Variants in GRIA1 observed in about 807,000 individuals in gnomAD.
GRIA1 encodes the protein glutamate ionotropic receptor AMPA type subunit 1.
Under a neutral mutation model 99.2 loss-of-function variants are expected in GRIA1, and 31 were observed. The ratio of observed to expected loss-of-function variants is 0.31; its 90% CI spans 0.23 to 0.42. The LOEUF is 0.42. Ranked by LOEUF, GRIA1 falls within the 10% of genes least tolerant of loss-of-function variation. The pLI is 1.00. For synonymous variants in GRIA1, 438 were observed against 432.4 expected (o/e 1.01, Z -0.16); for missense variants, 782 against 1,157.5 (o/e 0.68, Z 4.71).
At chr5:153,500,127 A>G (rs1264686166) in intron 2 of GRIA1, among the ~76,000 whole-genome samples, 1 of 152,238 alleles carries the variant, frequency 6.6e-6, no homozygotes, top group African/African-American at 2.4e-5. Context: ...ATCAGCTTTT[A>G]TGGATAGAAA....
chr5:153,696,484 G>A (rs1004073104), intron 8 of GRIA1, among the ~76,000 whole-genome samples: 2 of 152,164 alleles, frequency 1.3e-5, no homozygotes, highest in African/African-American at 4.8e-5. Flanking sequence ...CAGACGAAAT[G>A]GCATGAAAAC....
intron 7 of GRIA1, among the ~76,000 whole-genome samples, chr5:153,682,737 CT>C: frequency 6.6e-6 from 1 of 152,204 alleles, no homozygotes; most frequent in African/African-American, 2.4e-5. Flanking sequence ...AGCCCAATCT[CT>C]CTCCACCTCT....
chr5:153,812,386 G>A lies in GRIA1; in HGVS notation c.*1161G>A, dbSNP rs891885935. On this transcript the variant is annotated 3_prime_UTR_variant, in exon 16 of 16. Transcript: ENST00000285900. ...CTTCCCATGGTGTGCCCTATCCTAG[G>A]TTTAAGAAAACACGTATGAAGTTTA... 1 of 152,170 alleles carries A rather than the reference G, an allele frequency of 6.6e-6. No homozygotes were observed. The highest frequency in any genetic ancestry group is 1.9e-4 in the East Asian group (1 of 5,200). 9.4% of individuals were successfully genotyped at this position (152,170 alleles called of 1,614,324 possible). A position where few individuals can be genotyped will look rare whatever the true frequency, so the allele number is the denominator to read the frequency against.
chr5:153,606,877 A>T (rs1387175686), intron 2 of GRIA1, among the ~76,000 whole-genome samples: 1 of 104,248 alleles, frequency 9.6e-6, no homozygotes, highest in African/African-American at 3.2e-5. Flanking sequence ...TAGTACTTTA[A>T]GATGTTTTTC....
intron 13 of GRIA1, among the ~76,000 whole-genome samples, chr5:153,790,231 C>G (rs1765213302): frequency 6.6e-6 from 1 of 152,176 alleles, no homozygotes; most frequent in Admixed American, 6.5e-5. Context: ...CCTGGAATAC[C>G]CACGTATTCT....
chr5:153,627,309 C>T (rs904382163), intron 2 of GRIA1, among the ~76,000 whole-genome samples: 1 of 152,170 alleles, frequency 6.6e-6, no homozygotes, highest in African/African-American at 2.4e-5. Context: ...TACAGATGAG[C>T]AAGCAAAGGT....
chr5:153,576,978 A>G (rs1447269952), intron 2 of GRIA1, among the ~76,000 whole-genome samples: 76 of 80,292 alleles, frequency 9.5e-4, no homozygotes, highest in Admixed American at 2.4e-3. Context: ...GGATGGATGG[A>G]TGGATGGGTG....
At chr5:153,777,443 C>T (rs965564039) in intron 13 of GRIA1, among the ~76,000 whole-genome samples, 3 of 152,158 alleles carry the variant, frequency 2.0e-5, no homozygotes, top group Non-Finnish European at 4.4e-5. Flanking sequence ...GTCACTAGAA[C>T]TTCATAAACG....
chr5:153,728,214 C>A (rs553136880), intron 11 of GRIA1, among the ~76,000 whole-genome samples: 1 of 152,282 alleles, frequency 6.6e-6, no homozygotes, highest in East Asian at 1.9e-4. Flanking sequence ...CTCCCTTACA[C>A]CTTATACAAA....
At chr5:153,793,004 T>C (rs1432484555) in intron 13 of GRIA1, among the ~76,000 whole-genome samples, 1 of 152,164 alleles carries the variant, frequency 6.6e-6, no homozygotes, top group African/African-American at 2.4e-5. Context: ...GGGATCCATA[T>C]GCCACAGTCT....
At chr5:153,685,799 T>C (rs1004680217) in intron 7 of GRIA1, among the ~76,000 whole-genome samples, 9 of 152,234 alleles carry the variant, frequency 5.9e-5, no homozygotes, top group African/African-American at 2.2e-4. Context: ...GCTGGCTTCT[T>C]GTCCTGGGTC....
chr5:153,644,833 A>G (rs1248512877), intron 2 of GRIA1, among the ~76,000 whole-genome samples: 2 of 151,774 alleles, frequency 1.3e-5, no homozygotes, highest in African/African-American at 4.8e-5. Flanking sequence ...GCTGGTGCAG[A>G]GTCTCCCATG....
chr5:153,738,442 C>A (rs369216797), intron 11 of GRIA1, among the ~76,000 whole-genome samples: 2 of 152,206 alleles, frequency 1.3e-5, no homozygotes, highest in African/African-American at 2.4e-5. Context: ...CATAAAATAG[C>A]GCTAAATATG....
intron 7 of GRIA1, among the ~76,000 whole-genome samples, chr5:153,677,458 G>A (rs957313308): frequency 3.9e-5 from 6 of 152,176 alleles, no homozygotes; most frequent in African/African-American, 1.4e-4. Context: ...AATACACAAG[G>A]ATGAAACTGA....
At chr5:153,505,714 G>C (rs2113273349) in intron 2 of GRIA1, among the ~76,000 whole-genome samples, 2 of 152,352 alleles carry the variant, frequency 1.3e-5, no homozygotes, top group East Asian at 3.9e-4. Context: ...AGGGAACATT[G>C]GAAATGACAG....
chr5:153,542,182 G>A (rs62382829), intron 2 of GRIA1, among the ~76,000 whole-genome samples: 50,765 of 151,094 alleles, frequency 0.34, 11,231 homozygotes, highest in Non-Finnish European at 0.49. Context: ...TTGATGTTCA[G>A]AGAGTAGCTC....
chr5:153,689,819 T>C (rs1185561755), intron 8 of GRIA1, among the ~76,000 whole-genome samples: 1 of 152,192 alleles, frequency 6.6e-6, no homozygotes, highest in South Asian at 2.1e-4. Flanking sequence ...TCTGTGAAAG[T>C]AGAATTTCCA....
At chr5:153,562,614 G>A (rs75925310) in intron 2 of GRIA1, among the ~76,000 whole-genome samples, 3,031 of 152,270 alleles carry the variant, frequency 0.02, 105 homozygotes, top group African/African-American at 0.068. Flanking sequence ...AATATTGACT[G>A]TGCGATTACT....
chr5:153,652,232 G>A (rs2149460482), intron 4 of GRIA1, among the ~76,000 whole-genome samples: 1 of 152,270 alleles, frequency 6.6e-6, no homozygotes, highest in East Asian at 1.9e-4. Flanking sequence ...AAAAAGGCAA[G>A]ATAACATAGT....
Sources: allele counts gnomAD v4.1 joint callset (sites outside exome capture counted in the v4.1 genomes callset), GRCh38; gene constraint gnomAD v4.1.1; transcripts MANE v1.5; gene names NCBI Gene and HGNC (gene_info 2026-07-23, HGNC 2026-07-21).